The following UBP1 variants were observed in gnomAD, a reference collection of about 807,000 sequenced individuals.
UBP1 encodes the protein upstream-binding protein 1.
In UBP1, 22 loss-of-function variants were observed where a neutral mutation model predicts 76.1. The observed-to-expected ratio is 0.29, with a 90% CI of 0.21 to 0.41. The LOEUF is 0.41. Among genes scored for constraint, UBP1 ranks in the 10% least tolerant of loss-of-function variants. The pLI, the probability that UBP1 is intolerant of heterozygous loss-of-function variation, is 1.00. For missense variants in UBP1, 436 were observed against 668.1 expected (o/e 0.65, Z 3.83); for synonymous variants, 224 against 237.1 (o/e 0.94, Z 0.51).
chr3:33,420,940 T>C (rs974904278), intron 2 of UBP1, among the ~76,000 whole-genome samples: 13 of 152,138 alleles, frequency 8.5e-5, no homozygotes, highest in Admixed American at 2.0e-4. Flanking sequence ...ATTCTCCAAG[T>C]AGAATTTGGT....
At chr3:33,426,217 A>C (rs918079927) in intron 1 of UBP1, among the ~76,000 whole-genome samples, 1 of 151,888 alleles carries the variant, frequency 6.6e-6, no homozygotes, top group Non-Finnish European at 1.5e-5. Context: ...GGGGTTTTAC[A>C]AAAAGTTCCC....
intron 15 of UBP1, chr3:33,391,443 C>G (rs2043758427): frequency 2.0e-5 from 3 of 152,218 alleles, no homozygotes; most frequent in African/African-American, 7.2e-5. Context: ...ACAACTTCTA[C>G]AGCTTTGAGT....
At chr3:33,439,378 T>A (rs1009647263) in intron 1 of UBP1, among the ~76,000 whole-genome samples, 2 of 152,266 alleles carry the variant, frequency 1.3e-5, no homozygotes, top group Non-Finnish European at 2.9e-5. Context: ...TGCTGCCTTT[T>A]CGTACAGTGT....
At chr3:33,394,880 T>C (rs966559266) in intron 13 of UBP1, among the ~76,000 whole-genome samples, 1 of 151,010 alleles carries the variant, frequency 6.6e-6, no homozygotes, top group African/African-American at 2.4e-5. Flanking sequence ...AATTTACATA[T>C]TGTCTATGGC....
chr3:33,440,089 C>A lies in UBP1; in HGVS notation c.-241G>T, dbSNP rs978223276. 7.9e-6 allele frequency: 3 copies of A among 379,720 alleles called. No homozygotes were observed. The highest frequency in any genetic ancestry group is 1.4e-5 in the Non-Finnish European group (3 of 215,088). The allele number at this position is 379,720 out of a possible 1,614,324, so 23.5% of individuals were successfully genotyped here. ...GGCAGCGCCACCCTCCCGCGGACAC[C>A]GGCCCTGCGCCTCATGCCGGCGCCG... On this transcript the variant is annotated 5_prime_UTR_variant, in exon 1 of 16. Transcript: ENST00000283629.
At chr3:33,440,809 G>A (rs2045288549), upstream of UBP1, 1 of 152,242 alleles carries the variant, frequency 6.6e-6, no homozygotes, top group Admixed American at 6.5e-5. Context: ...TGGACTGCAT[G>A]GTAGAAAGCG....
In UBP1 at chr3:33,426,008, T is replaced by A. The variant is rs1276925681; in HGVS notation, c.114-267A>T. On this transcript the variant is annotated intron_variant, in intron 1 of 15. Transcript: ENST00000283629. ...CAGGGCAGCTCTGAATATATATATATATATATATATATATATATATATATA... is the reference window on the plus strand; with the variant it reads ...CAGGGCAGCTCTGAATATATATATAAATATATATATATATATATATATATA... 2.4e-5 allele frequency among the ~76,000 whole-genome samples: 2 copies of A among 81,790 alleles called. 1 individual carries two copies. The highest frequency in any genetic ancestry group is 1.2e-3 in the East Asian group (2 of 1,714). 53.7% of individuals were successfully genotyped at this position (81,790 alleles called of 152,430 possible).
rs1297011400 is a variant in UBP1 at position 33,425,748 on chromosome 3, A to G, written c.114-7T>C. On this transcript the variant is annotated splice_polypyrimidine_tract_variant and splice_region_variant and intron_variant, in intron 1 of 15. Transcript: ENST00000283629. Reference sequence around the variant, plus strand: ...GGGCAATGCCAAGACATCACTGAAAAGCAAAAAATCAACACTGACCTTACT... The same window carrying G: ...GGGCAATGCCAAGACATCACTGAAAGGCAAAAAATCAACACTGACCTTACT... The G allele has an allele frequency of 6.4e-7, 1 of 1,570,734 alleles. No individual in the cohort carries two copies. The highest frequency in any genetic ancestry group is 8.7e-7 in the Non-Finnish European group (1 of 1,146,664).
At chr3:33,426,938 C>T (rs1378437620) in intron 1 of UBP1, among the ~76,000 whole-genome samples, 2 of 152,182 alleles carry the variant, frequency 1.3e-5, no homozygotes, top group Non-Finnish European at 2.9e-5. Flanking sequence ...ACTGGAATTA[C>T]TGGATCACAT....
intron 13 of UBP1, among the ~76,000 whole-genome samples, chr3:33,393,901 C>A (rs988165895): frequency 3.9e-5 from 6 of 152,146 alleles, no homozygotes; most frequent in Non-Finnish European, 7.3e-5. Flanking sequence ...TATATACTTA[C>A]AATGGGAGGA....
At chr3:33,395,331 T>A (rs1454307896) in intron 13 of UBP1, among the ~76,000 whole-genome samples, 1 of 135,646 alleles carries the variant, frequency 7.4e-6, no homozygotes, top group Non-Finnish European at 1.6e-5. Flanking sequence ...TTAACACATC[T>A]TTTTTTTTTT....
chr3:33,426,215 A>T (rs1052569976), intron 1 of UBP1, among the ~76,000 whole-genome samples: 3 of 151,938 alleles, frequency 2.0e-5, no homozygotes, highest in African/African-American at 7.3e-5. Context: ...ATGGGGTTTT[A>T]CAAAAAGTTC....
At position 33,439,929 on chromosome 3, in the gene UBP1, GGGGA is replaced by G; in HGVS notation, c.-85_-82del. ...GCCGGAGCTCCGCTGGCGCGTCCTG[GGGGA>G]GGGCGCGGGTGAAGCCTCCGGAGGG... On this transcript the variant is annotated 5_prime_UTR_variant, in exon 1 of 16. Coordinates refer to ENST00000283629, the MANE Select transcript of UBP1 (RefSeq NM_014517.5). The G allele has an allele frequency of 6.6e-7, 1 of 1,511,348 alleles. No individual in the cohort carries two copies. Among genetic ancestry groups the G allele is most frequent in the Non-Finnish European group, 9.0e-7 (1 of 1,107,544 alleles). The allele number at this position is 1,511,348 out of a possible 1,614,324, so 93.6% of individuals were successfully genotyped here.
intron 3 of UBP1, among the ~76,000 whole-genome samples, chr3:33,413,881 G>C (rs1041065475): frequency 8.5e-5 from 13 of 152,184 alleles, no homozygotes; most frequent in South Asian, 2.1e-4. Context: ...TAGGCTAGTG[G>C]TGGCCCCTAA....
In UBP1 at chr3:33,388,850, T is replaced by C. The variant is rs1309696683; in HGVS notation, c.*1481A>G. Reference sequence around the variant, plus strand: ...AAACATAAAATGTCAAAGCTTTTACTCACTGAAGTAGTTTGTCTTCTGGGA... The same window carrying C: ...AAACATAAAATGTCAAAGCTTTTACCCACTGAAGTAGTTTGTCTTCTGGGA... On this transcript the variant is annotated 3_prime_UTR_variant, in exon 16 of 16. Coordinates refer to ENST00000283629, the MANE Select transcript of UBP1 (RefSeq NM_014517.5). 1 of 152,248 alleles carries C rather than the reference T, an allele frequency of 6.6e-6. No individual in the cohort carries two copies. Among genetic ancestry groups the C allele is most frequent in the Non-Finnish European group, 1.5e-5 (1 of 68,040 alleles). 9.4% of individuals were successfully genotyped at this position (152,248 alleles called of 1,614,324 possible). A position where few individuals can be genotyped will look rare whatever the true frequency, so the allele number is the denominator to read the frequency against.
intron 1 of UBP1, among the ~76,000 whole-genome samples, chr3:33,434,380 C>A (rs1195348385): frequency 1.4e-5 from 2 of 146,386 alleles, no homozygotes; most frequent in Non-Finnish European, 3.0e-5. Flanking sequence ...CTCACTGTAA[C>A]CTCCGCCTCC....
At chr3:33,429,399 AGTGCAGTG>A (rs745401068) in intron 1 of UBP1, among the ~76,000 whole-genome samples, 11 of 151,458 alleles carry the variant, frequency 7.3e-5, no homozygotes, top group Non-Finnish European at 1.2e-4. Context: ...CCCAGGCTGG[AGTGCAGTG>A]GCATGATCAT....
In UBP1 at chr3:33,411,457, G is replaced by A. The variant is rs1219263320; in HGVS notation, c.555+124C>T. On this transcript the variant is annotated intron_variant, in intron 5 of 15. Coordinates refer to ENST00000283629, the MANE Select transcript of UBP1 (RefSeq NM_014517.5). ...TAGATTAAACCTAACTATGTATATA[G>A]AAAGACACTACAACATAGTTTATAA... 3.8e-6 allele frequency: 3 copies of A among 786,078 alleles called. No homozygotes were observed. In the East Asian group the frequency reaches 8.0e-5, roughly 21 times the overall value. The allele number at this position is 786,078 out of a possible 1,614,324, so 48.7% of individuals were successfully genotyped here.
At chr3:33,412,474 T>C (rs2044614606) in intron 4 of UBP1, among the ~76,000 whole-genome samples, 2 of 151,690 alleles carry the variant, frequency 1.3e-5, no homozygotes, top group African/African-American at 4.8e-5. Flanking sequence ...TCCTAGCTAC[T>C]TGGGAGGCTA....
Sources: gnomAD v4.1 joint callset for allele counts (sites outside exome capture counted in the v4.1 genomes callset) on GRCh38, gnomAD v4.1.1 for gene constraint, MANE v1.5 for transcripts, NCBI Gene and HGNC (gene_info 2026-07-23, HGNC 2026-07-21) for gene names.